Variants in MTMR1 observed in about 807,000 individuals in gnomAD.
MTMR1 encodes myotubularin related protein 1.
Under a neutral mutation model 51.6 loss-of-function variants are expected in MTMR1, and 17 were observed. The ratio of observed to expected loss-of-function variants is 0.33; its 90% CI spans 0.23 to 0.49. The LOEUF is 0.49. Ranked by LOEUF, MTMR1 falls within the 20% of genes least tolerant of loss-of-function variation. The pLI, the probability that MTMR1 is intolerant of heterozygous loss-of-function variation, is 0.99. For missense variants in MTMR1, 386 were observed against 526.9 expected (o/e 0.73, Z 2.62); for synonymous variants, 201 against 205.6 (o/e 0.98, Z 0.19).
chrX:150,721,948 A>G (rs2041765000), intron 4 of MTMR1, among the ~76,000 whole-genome samples: 1 of 111,286 alleles, frequency 9.0e-6, no homozygotes, highest in South Asian at 3.7e-4. Context: ...TTGTGTTTTT[A>G]TTTGCATTCA....
At chrX:150,757,463 C>T (rs1257543757) in intron 15 of MTMR1, among the ~76,000 whole-genome samples, 3 of 112,568 alleles carry the variant, frequency 2.7e-5, no homozygotes, top group Non-Finnish European at 5.6e-5. Flanking sequence ...TTGGCCCTGC[C>T]ACCCTTACGA....
intron 2 of MTMR1, among the ~76,000 whole-genome samples, chrX:150,711,808 A>G (rs1323406370): frequency 8.9e-6 from 1 of 112,196 alleles, no homozygotes; most frequent in Non-Finnish European, 1.9e-5. Flanking sequence ...ATTTCAATAG[A>G]AAGCAGGTTA....
In MTMR1 at chrX:150,755,973, C is replaced by T. The variant is rs781990826; in HGVS notation, c.1857+108C>T. 1.2e-3 allele frequency: 788 copies of T among 641,956 alleles called. 1 individual carries two copies. Among genetic ancestry groups the T allele is most frequent in the Non-Finnish European group, 1.7e-3 (735 of 420,272 alleles). The allele number at this position is 641,956 out of a possible 1,213,427, so 52.9% of individuals were successfully genotyped here. ...GGTAGATATTAACATACCATACTGACCGTCTTCTGCCCTCTCCTGTCAGGG... is the reference window on the plus strand; with the variant it reads ...GGTAGATATTAACATACCATACTGATCGTCTTCTGCCCTCTCCTGTCAGGG... On this transcript the variant is annotated intron_variant, in intron 15 of 15. Transcript: ENST00000445323.
chrX:150,720,330 C>T (rs962691088), intron 4 of MTMR1, among the ~76,000 whole-genome samples: 1 of 111,848 alleles, frequency 8.9e-6, no homozygotes, highest in Non-Finnish European at 1.9e-5. Context: ...CTGCCTTCTC[C>T]GCCATCCCCA....
At position 150,762,628 on chromosome X, in the gene MTMR1, G is replaced by C. The variant is rs781892775; in HGVS notation, c.1921G>C (p.Glu641Gln). ...CAGGGCGGAGCTGCAGAAGCGTGTG[G>C]AGGGCCTACAGCGGGAGGTGGCCAC... ...AVRAELQKRV[E>Q]GLQREVATRA... The change falls in exon 16 of 16, where the codon GAG becomes CAG. Residue 641 changes from glutamate to glutamine, a missense_variant. By Grantham distance (29) the Glu-to-Gln change is conservative. Coordinates refer to ENST00000445323, the MANE Select transcript of MTMR1 (RefSeq NM_001306144.3). 6 of 1,211,827 alleles carry C rather than the reference G, an allele frequency of 5.0e-6. No homozygotes were observed. In the South Asian group the frequency reaches 1.1e-4, roughly 21 times the overall value.
chrX:150,732,814 A>T, intron 10 of MTMR1, 84 bp downstream of exon 10: 2 of 910,758 alleles, frequency 2.2e-6, no homozygotes, highest in Non-Finnish European at 3.0e-6. Flanking sequence ...TAACTCATTG[A>T]TTTCCTCACC....
intron 13 of MTMR1, among the ~76,000 whole-genome samples, chrX:150,748,093 G>C: frequency 9.0e-6 from 1 of 111,006 alleles, no homozygotes; most frequent in Admixed American, 9.6e-5. Flanking sequence ...GAAGCAACAA[G>C]AGAGCTCTCT....
chrX:150,762,788 G>C lies in MTMR1; in HGVS notation c.*59G>C, dbSNP rs898259522. On this transcript the variant is annotated 3_prime_UTR_variant, in exon 16 of 16. Coordinates refer to ENST00000445323, the MANE Select transcript of MTMR1 (RefSeq NM_001306144.3). ...CGGTGGCTCAGGAAAGGGACCTGGC[G>C]ATCACTGTTATGGCTGTAGCTTGTG... 2 of 1,096,152 alleles carry C rather than the reference G, an allele frequency of 1.8e-6. No homozygotes were observed. The highest frequency in any genetic ancestry group is 2.4e-6 in the Non-Finnish European group (2 of 825,602). The allele number at this position is 1,096,152 out of a possible 1,213,427, so 90.3% of individuals were successfully genotyped here.
chrX:150,751,573 C>T (rs955934156), intron 14 of MTMR1, among the ~76,000 whole-genome samples: 1 of 111,285 alleles, frequency 9.0e-6, no homozygotes, highest in Non-Finnish European at 1.9e-5. Flanking sequence ...TCTTTCCTGC[C>T]TCCTCGGCCT....
In MTMR1 at chrX:150,742,591, C is replaced by T. The variant is rs368694132; in HGVS notation, c.1474-1770C>T. Among the ~76,000 whole-genome samples the T allele has an allele frequency of 4.3e-3, 469 of 110,028 alleles. 2 individuals carry two copies. The highest frequency in any genetic ancestry group is 0.015 in the African/African-American group (442 of 30,232). ...CAGCACTTTGGGAGGCCGAGGCGGG[C>T]GGATCACGAGGTCAGGAGATCGAGA... is the stretch of plus-strand genomic sequence containing the variant. On this transcript the variant is annotated intron_variant, in intron 12 of 15. Transcript: ENST00000445323.
chrX:150,708,625 A>G (rs1055117146), intron 2 of MTMR1, among the ~76,000 whole-genome samples: 2 of 111,571 alleles, frequency 1.8e-5, no homozygotes, highest in African/African-American at 3.3e-5. Context: ...TAAGATCACT[A>G]TCAACTTTTT....
At chrX:150,712,962 C>G in intron 3 of MTMR1, 3 of 943,376 alleles carry the variant, frequency 3.2e-6, no homozygotes, top group Non-Finnish European at 4.1e-6. Context: ...TAAAGCAAGA[C>G]AAAGATTGGT....
chrX:150,734,368 A>G (rs2042203986), intron 10 of MTMR1, among the ~76,000 whole-genome samples: 2 of 113,062 alleles, frequency 1.8e-5, no homozygotes. Context: ...ATAAGGTCAC[A>G]TTCACCATTG....
rs1557417002 is a variant in MTMR1 at position 150,731,633 on chromosome X, A to G, written c.891+14A>G. The G allele has an allele frequency of 8.5e-7, 1 of 1,177,056 alleles. No individual in the cohort carries two copies. Among genetic ancestry groups the G allele is most frequent in the Non-Finnish European group, 1.1e-6 (1 of 874,535 alleles). On this transcript the variant is annotated intron_variant, in intron 9 of 15. Transcript: ENST00000445323. ...GGCAGAGTCCCTGTAAGTAATAAAC[A>G]TTGTCATTTATATAGGAATATATAT...
chrX:150,716,241 ACT>A (rs782053518), intron 3 of MTMR1, among the ~76,000 whole-genome samples: 6 of 112,713 alleles, frequency 5.3e-5, no homozygotes, highest in African/African-American at 9.7e-5. Flanking sequence ...GTAATTTAAA[ACT>A]CTGATATTGA....
chrX:150,712,448 CT>C, intron 3 of MTMR1, 83 bp downstream of exon 3: 1 of 908,708 alleles, frequency 1.1e-6, no homozygotes, highest in East Asian at 3.5e-5. Context: ...ATTTAGTGTT[CT>C]TTACCTTCTC....
intron 12 of MTMR1, among the ~76,000 whole-genome samples, chrX:150,742,816 CAAAAAAAAA>C (rs1159891625): frequency 4.6e-5 from 1 of 21,747 alleles, no homozygotes; most frequent in Non-Finnish European, 8.5e-5. Context: ...GACTCCATCT[CAAAAAAAAA>C]AAAAAAAAAA....
At chrX:150,726,633 G>A (rs782669023) in intron 4 of MTMR1, among the ~76,000 whole-genome samples, 19 of 112,302 alleles carry the variant, frequency 1.7e-4, no homozygotes, top group African/African-American at 5.2e-4. Context: ...TGAAGATGTG[G>A]TATCTTTGTG....
In MTMR1 at chrX:150,737,223, G is replaced by A. The variant is rs781989489; in HGVS notation, c.1267-19G>A. On this transcript the variant is annotated intron_variant, in intron 11 of 15. Coordinates refer to ENST00000445323, the MANE Select transcript of MTMR1 (RefSeq NM_001306144.3). ...GAAATTCAATGTAGCCTGGTCTAAT[G>A]TGCCTTTTTTTTCTGAAGATGCTGC... is the stretch of plus-strand genomic sequence containing the variant. 1 of 1,192,761 alleles carries A rather than the reference G, an allele frequency of 8.4e-7. No individual in the cohort carries two copies. Among genetic ancestry groups the A allele is most frequent in the Non-Finnish European group, 1.1e-6 (1 of 878,474 alleles).
Sources: allele counts gnomAD v4.1 joint callset (sites outside exome capture counted in the v4.1 genomes callset), GRCh38; gene constraint gnomAD v4.1.1; transcripts MANE v1.5; gene names NCBI Gene and HGNC (gene_info 2026-07-23, HGNC 2026-07-21).